The following STK32B variants were observed in gnomAD, a reference collection of about 807,000 sequenced individuals.
STK32B encodes serine/threonine-protein kinase 32B.
A neutral mutation model predicts 52.6 loss-of-function variants in STK32B; 43 were observed. The ratio of observed to expected loss-of-function variants is 0.82; its 90% CI spans 0.64 to 1.05. The LOEUF is 1.05. Ranked by LOEUF, STK32B falls within the 50% of genes least tolerant of loss-of-function variation. The pLI, the probability that STK32B is intolerant of heterozygous loss-of-function variation, is 0.00. For synonymous variants in STK32B, 238 were observed against 204.3 expected (o/e 1.17, Z -1.41); for missense variants, 621 against 534.6 (o/e 1.16, Z -1.59).
intron 1 of STK32B, among the ~76,000 whole-genome samples, chr4:5,100,075 A>G (rs573634111): frequency 6.6e-6 from 1 of 152,208 alleles, no homozygotes; most frequent in South Asian, 2.1e-4. Flanking sequence ...AATGAGGCAC[A>G]GAGAGGTGGA....
chr4:5,236,733 G>A (rs1480852523), intron 3 of STK32B, among the ~76,000 whole-genome samples: 2 of 152,132 alleles, frequency 1.3e-5, no homozygotes, highest in South Asian at 2.1e-4. Flanking sequence ...GTTGCTATAC[G>A]GTATTGTGTT....
chr4:5,485,040 CT>C (rs1215994584), intron 11 of STK32B, among the ~76,000 whole-genome samples: 3 of 151,880 alleles, frequency 2.0e-5, no homozygotes, highest in Non-Finnish European at 4.4e-5. Flanking sequence ...TTCATTTCAA[CT>C]TTGATGAATC....
intron 3 of STK32B, among the ~76,000 whole-genome samples, chr4:5,271,490 C>G (rs1012738032): frequency 2.0e-5 from 3 of 151,228 alleles, no homozygotes; most frequent in African/African-American, 7.3e-5. Flanking sequence ...GATGCGGGCT[C>G]TTTTTTGGTT....
At chr4:5,321,522 T>G (rs1435518613) in intron 3 of STK32B, among the ~76,000 whole-genome samples, 1 of 152,204 alleles carries the variant, frequency 6.6e-6, no homozygotes. Flanking sequence ...AGCTACTGTT[T>G]CAGGCTCACT....
intron 3 of STK32B, among the ~76,000 whole-genome samples, chr4:5,218,416 T>C (rs1047270808): frequency 6.6e-6 from 1 of 152,168 alleles, no homozygotes; most frequent in African/African-American, 2.4e-5. Context: ...AAATGGAAAG[T>C]AGATACATTG....
At chr4:5,443,353 T>C (rs1373124869) in intron 6 of STK32B, among the ~76,000 whole-genome samples, 1 of 152,020 alleles carries the variant, frequency 6.6e-6, no homozygotes, top group African/African-American at 2.4e-5. Flanking sequence ...ATTTCATTCA[T>C]TTCATCTTCC....
At chr4:5,093,688 T>G (rs1330668686) in intron 1 of STK32B, among the ~76,000 whole-genome samples, 1 of 151,476 alleles carries the variant, frequency 6.6e-6, no homozygotes, top group South Asian at 2.1e-4. Context: ...GTTGTGCACA[T>G]GTACCCTAAA....
At chr4:5,450,643 C>CAGA (rs1287045726) in intron 7 of STK32B, among the ~76,000 whole-genome samples, 1 of 152,174 alleles carries the variant, frequency 6.6e-6, no homozygotes, top group African/African-American at 2.4e-5. Flanking sequence ...GGCTTTTAAA[C>CAGA]AGACTGAATA....
intron 3 of STK32B, among the ~76,000 whole-genome samples, chr4:5,274,632 C>T (rs1315931802): frequency 6.6e-6 from 1 of 152,194 alleles, no homozygotes; most frequent in Non-Finnish European, 1.5e-5. Flanking sequence ...GCGGGAGGGA[C>T]AAGGATCAGC....
chr4:5,153,049 C>T (rs1401699606), intron 2 of STK32B, among the ~76,000 whole-genome samples: 1 of 152,218 alleles, frequency 6.6e-6, no homozygotes, highest in African/African-American at 2.4e-5. Flanking sequence ...AATCCGCGTC[C>T]TGGAGAGGAC....
intron 6 of STK32B, among the ~76,000 whole-genome samples, chr4:5,422,900 TA>T (rs1162063381): frequency 1.3e-5 from 2 of 152,102 alleles, no homozygotes; most frequent in African/African-American, 4.8e-5. Context: ...CTCTGCTGGG[TA>T]ACGATAGAGA....
chr4:5,267,236 T>G (rs949017718), intron 3 of STK32B, among the ~76,000 whole-genome samples: 4 of 152,218 alleles, frequency 2.6e-5, no homozygotes, highest in Non-Finnish European at 5.9e-5. Flanking sequence ...AACTGTCCAG[T>G]GTCCATTATA....
the STK32B span, among the ~76,000 whole-genome samples, chr4:5,036,812 C>T: frequency 5.3e-5 from 8 of 151,634 alleles, no homozygotes; most frequent in Non-Finnish European, 7.4e-5. Context: ...AGATTACAGG[C>T]GCCCACCACC....
intron 1 of STK32B, among the ~76,000 whole-genome samples, chr4:5,063,183 C>T (rs866836766): frequency 8.5e-5 from 13 of 152,116 alleles, no homozygotes; most frequent in Admixed American, 2.0e-4. Context: ...TGTTTACCAA[C>T]GTGATCATAT....
chr4:5,104,088 G>T (rs1454853573), intron 1 of STK32B, among the ~76,000 whole-genome samples: 1 of 152,058 alleles, frequency 6.6e-6, no homozygotes, highest in African/African-American at 2.4e-5. Context: ...ATTAACTATT[G>T]ATATGGTTTG....
intron 4 of STK32B, among the ~76,000 whole-genome samples, chr4:5,376,189 C>G (rs140935016): frequency 6.6e-6 from 1 of 152,142 alleles, no homozygotes; most frequent in Non-Finnish European, 1.5e-5. Flanking sequence ...TCCACTCCGC[C>G]GGACCAGGTT....
chr4:5,437,068 C>T (rs1366080559), intron 6 of STK32B, among the ~76,000 whole-genome samples: 1 of 152,202 alleles, frequency 6.6e-6, no homozygotes, highest in African/African-American at 2.4e-5. Context: ...GAAGGGTGCA[C>T]CAGGGCACCA....
At chr4:5,179,803 C>T (rs1720219823) in intron 3 of STK32B, among the ~76,000 whole-genome samples, 1 of 152,214 alleles carries the variant, frequency 6.6e-6, no homozygotes, top group African/African-American at 2.4e-5. Flanking sequence ...AGTCTGAGGG[C>T]TGATGTTGGC....
intron 4 of STK32B, among the ~76,000 whole-genome samples, chr4:5,367,147 C>G (rs1420659013): frequency 6.6e-6 from 1 of 152,050 alleles, no homozygotes; most frequent in Non-Finnish European, 1.5e-5. Flanking sequence ...CCCCCTAGAA[C>G]TAAGCTAAAA....
Sources: allele counts gnomAD v4.1 joint callset (sites outside exome capture counted in the v4.1 genomes callset), GRCh38; gene constraint gnomAD v4.1.1; transcripts MANE v1.5; gene names NCBI Gene and HGNC (gene_info 2026-07-23, HGNC 2026-07-21).